Variants in AKNA observed in about 807,000 individuals in gnomAD.
AKNA encodes the protein AT-hook transcription factor, also known as microtubule organization protein AKNA.
A neutral mutation model predicts 138.8 loss-of-function variants in AKNA; 67 were observed. The observed-to-expected ratio is 0.48, with a 90% CI of 0.40 to 0.59. The LOEUF (loss-of-function observed/expected upper bound fraction) is 0.59, where lower values mean the gene tolerates loss of function less well. AKNA is among the 20% of genes least tolerant of loss of function. The pLI, the probability that AKNA is intolerant of heterozygous loss-of-function variation, is 0.00. For synonymous variants in AKNA, 737 were observed against 754.4 expected (o/e 0.98, Z 0.38); for missense variants, 1,813 against 1,880.4 (o/e 0.96, Z 0.66).
chr9:114,376,697 G>C lies in AKNA; in HGVS notation c.1110C>G (p.Phe370Leu). ...DFSKVGPRVR[F>L]PKDESYRPPK... Reference sequence around the variant, plus strand: ...GGGGACGGTAGCTCTCATCTTTGGGGAATCTCACCCGGGGCCCTACCTTGG... The same window carrying C: ...GGGGACGGTAGCTCTCATCTTTGGGCAATCTCACCCGGGGCCCTACCTTGG... The change falls in exon 3 of 22, where the codon TTC (phenylalanine) becomes TTG (leucine). Residue 370 changes from phenylalanine to leucine, a missense_variant. Phe to Leu is a conservative substitution (Grantham distance 22). Coordinates refer to ENST00000374088, the MANE Select transcript of AKNA (RefSeq NM_001317950.2). 1 of 1,612,884 alleles carries C rather than the reference G, an allele frequency of 6.2e-7. No individual in the cohort carries two copies. The highest frequency in any genetic ancestry group is 8.5e-7 in the Non-Finnish European group (1 of 1,179,480).
intron 14 of AKNA, among the ~76,000 whole-genome samples, chr9:114,352,917 T>C (rs1360818502): frequency 8.1e-5 from 12 of 147,712 alleles, no homozygotes; most frequent in African/African-American, 2.6e-5. Flanking sequence ...CGAGACTCCA[T>C]CTCAAAAAAA....
chr9:114,389,001 G>C (rs1834226932), upstream of AKNA, among the ~76,000 whole-genome samples: 2 of 152,160 alleles, frequency 1.3e-5, no homozygotes, highest in South Asian at 2.1e-4. Context: ...AGAACACATG[G>C]GGCCAAGAGT....
In AKNA at chr9:114,335,557, A is replaced by T. The variant is rs1157488658; in HGVS notation, c.*1497T>A. On this transcript the variant is annotated 3_prime_UTR_variant, in exon 22 of 22. Coordinates refer to ENST00000374088, the MANE Select transcript of AKNA (RefSeq NM_001317950.2). ...GAGGCTGAGGTGGGTGGATCACCTG[A>T]GGCTGGGAGTGCAAGATCAGCCCGA... is the stretch of plus-strand genomic sequence containing the variant. 1 of 152,238 alleles carries T rather than the reference A, an allele frequency of 6.6e-6. No individual in the cohort carries two copies. Among genetic ancestry groups the T allele is most frequent in the Non-Finnish European group, 1.5e-5 (1 of 68,062 alleles). The allele number at this position is 152,238 out of a possible 1,614,324, so 9.4% of individuals were successfully genotyped here.
At chr9:114,357,861 T>G in intron 12 of AKNA, 60 bp downstream of exon 12, 1 of 1,573,338 alleles carries the variant, frequency 6.4e-7, no homozygotes, top group Non-Finnish European at 8.6e-7. Context: ...AAGCAGAAAG[T>G]TGAGAAGACC....
chr9:114,330,859 T>C (rs1470432740), downstream of AKNA: 5 of 1,613,166 alleles, frequency 3.1e-6, no homozygotes, highest in Non-Finnish European at 4.2e-6. Context: ...CGTCTCCAGA[T>C]ACGGTGAGGG....
At chr9:114,331,605 AG>A, downstream of AKNA, 2 of 1,613,922 alleles carry the variant, frequency 1.2e-6, no homozygotes, top group Non-Finnish European at 1.7e-6. Context: ...GCTGTTCCTT[AG>A]GGACACCAAG....
rs1346897962 is a variant in AKNA, at chr9:114,334,511, G to C, written c.*2543C>G. ...GAGACCCAGAAGAAGGAGATAACAC[G>C]TAAGGGTGAGGCTGGTCCCTGGAAA... is the stretch of plus-strand genomic sequence containing the variant. On this transcript the variant is annotated 3_prime_UTR_variant, in exon 22 of 22. Coordinates refer to ENST00000374088, the MANE Select transcript of AKNA (RefSeq NM_001317950.2). The C allele has an allele frequency of 2.0e-5, 3 of 146,488 alleles. 1 individual carries two copies. Among genetic ancestry groups the C allele is most frequent in the African/African-American group, 8.5e-5 (3 of 35,252 alleles). The allele number at this position is 146,488 out of a possible 1,614,324, so 9.1% of individuals were successfully genotyped here.
Position 114,374,098 on chromosome 9 carries a change from C to A in AKNA, c.1411G>T (p.Ala471Ser), listed in dbSNP as rs1365285687. The A allele has an allele frequency of 1.9e-6, 3 of 1,555,494 alleles. No homozygotes were observed. The highest frequency in any genetic ancestry group is 2.6e-6 in the Non-Finnish European group (3 of 1,149,062). ...ENTIDQLRLGAKVNLFSDPPQ... is the reference protein window; with the variant it reads ...ENTIDQLRLGSKVNLFSDPPQ... ...ACCCCATCCCGGCCTGGTACCTTGG[C>A]CCCGAGGCGTAGCTGGTCAATGGTG... The change falls in exon 4 of 22, where the codon GCC becomes TCC. Residue 471 changes from alanine (A) to serine (S), a missense_variant. Ala to Ser is a moderately conservative substitution (Grantham distance 99). Transcript: ENST00000374088.
rs1379732243 is a variant in AKNA at position 114,341,909 on chromosome 9, T to TCTGTCCCA, written c.3874+99_3874+100insTGGGACAG. On this transcript the variant is annotated intron_variant, in intron 20 of 21. Transcript: ENST00000374088. ...CTGCCCCAGTTGCTCTGTCCCAGAC[T>TCTGTCCCA]GGAACAACAGCTGCTCCAGTTAAAC... 6.5e-5 allele frequency: 88 copies of TCTGTCCCA among 1,364,208 alleles called. No individual in the cohort carries two copies. In the African/African-American group the frequency reaches 1.1e-3, roughly 18 times the overall value. 84.5% of individuals were successfully genotyped at this position (1,364,208 alleles called of 1,614,324 possible). A position where few individuals can be genotyped will look rare whatever the true frequency, so the allele number is the denominator to read the frequency against.
At chr9:114,373,557 GA>G (rs2132026620) in intron 4 of AKNA, among the ~76,000 whole-genome samples, 1 of 152,224 alleles carries the variant, frequency 6.6e-6, no homozygotes, top group Non-Finnish European at 1.5e-5. Context: ...TCTTACTCCA[GA>G]ACCCATCTAG....
intron 2 of AKNA, among the ~76,000 whole-genome samples, chr9:114,380,246 T>C (rs533070990): frequency 1.4e-4 from 22 of 152,272 alleles, no homozygotes; most frequent in African/African-American, 4.6e-4. Flanking sequence ...TGCAAAGATA[T>C]ATTAATGACA....
upstream of AKNA, among the ~76,000 whole-genome samples, chr9:114,395,014 G>A (rs979051411): frequency 3.9e-5 from 6 of 152,178 alleles, no homozygotes; most frequent in African/African-American, 1.4e-4. Context: ...GCGGCACTGG[G>A]CGCAGAAGGT....
chr9:114,395,454 A>G (rs917662182), upstream of AKNA, among the ~76,000 whole-genome samples: 2 of 152,072 alleles, frequency 1.3e-5, no homozygotes, highest in East Asian at 3.9e-4. Flanking sequence ...GGCTCCTGTC[A>G]CTTTCAGGTT....
chr9:114,337,013 G>GA lies in AKNA; in HGVS notation c.*40_*41insT. ...CCACTCCTGGCCTGGCAGGCCACCTGCCCACCCACCCACCCATCTGCCTCT... is the reference window on the plus strand; with the variant it reads ...CCACTCCTGGCCTGGCAGGCCACCTGACCCACCCACCCACCCATCTGCCTCT... On this transcript the variant is annotated 3_prime_UTR_variant, in exon 22 of 22. Transcript: ENST00000374088. The GA allele has an allele frequency of 1.1e-5, 13 of 1,185,370 alleles. No homozygotes were observed. Among genetic ancestry groups the GA allele is most frequent in the South Asian group, 9.8e-5 (4 of 40,612 alleles). The allele number at this position is 1,185,370 out of a possible 1,614,324, so 73.4% of individuals were successfully genotyped here.
chr9:114,339,134 C>A (rs1830176421), intron 21 of AKNA, among the ~76,000 whole-genome samples: 1 of 152,154 alleles, frequency 6.6e-6, no homozygotes, highest in African/African-American at 2.4e-5. Context: ...ACTGTCTGGG[C>A]TGGGTTTTCA....
chr9:114,386,204 A>C (rs1834019338), intron 1 of AKNA, among the ~76,000 whole-genome samples: 1 of 152,234 alleles, frequency 6.6e-6, no homozygotes, highest in Admixed American at 6.5e-5. Context: ...ACTTCCTACT[A>C]TATACCAGGC....
chr9:114,359,700 G>A lies in AKNA; in HGVS notation c.2386C>T (p.Leu796=). Residue 796 remains leucine (L), a synonymous_variant, in exon 11 of 22, where the codon CTG becomes TTG. Transcript: ENST00000374088. ...GTTGCAGCCACCCCATCAACTTCCA[G>A]GGAGTCACCTCCCCCCTCTTCCTCC... ...EEEEEGGGDS[L]EVDGVAATPG... 1.2e-6 allele frequency: 2 copies of A among 1,612,442 alleles called. No homozygotes were observed. The highest frequency in any genetic ancestry group is 1.7e-6 in the Non-Finnish European group (2 of 1,179,058).
intron 20 of AKNA, 128 bp downstream of exon 20, chr9:114,341,881 C>T: frequency 1.5e-6 from 2 of 1,305,198 alleles, no homozygotes; most frequent in Non-Finnish European, 2.2e-6. Context: ...GGGAACAAAT[C>T]CTCTGCCCCA....
At chr9:114,372,157 T>G (rs1016425102) in intron 4 of AKNA, among the ~76,000 whole-genome samples, 1 of 152,184 alleles carries the variant, frequency 6.6e-6, no homozygotes, top group African/African-American at 2.4e-5. Flanking sequence ...GTGCTCACAC[T>G]TCTTGAGGCT....
Sources: gnomAD v4.1 joint callset for allele counts (sites outside exome capture counted in the v4.1 genomes callset) on GRCh38, gnomAD v4.1.1 for gene constraint, MANE v1.5 for transcripts, NCBI Gene and HGNC (gene_info 2026-07-23, HGNC 2026-07-21) for gene names.